The following COIL variants were observed in gnomAD, a reference collection of about 807,000 sequenced individuals.
COIL encodes the protein coilin.
A neutral mutation model predicts 51.6 loss-of-function variants in COIL; 28 were observed. The observed-to-expected ratio is 0.54, with a 90% CI of 0.40 to 0.74. The LOEUF (loss-of-function observed/expected upper bound fraction) is 0.74, where lower values mean the gene tolerates loss of function less well. Among genes scored for constraint, COIL ranks in the 30% least tolerant of loss-of-function variants. The probability of loss-of-function intolerance (pLI) is 0.00; values close to 1 mark genes in which losing one functional copy is unlikely to be tolerated. For missense variants in COIL, 667 were observed against 685.9 expected, an observed-to-expected ratio of 0.97 and a Z score of 0.31; for synonymous variants, 233 against 255.8, an observed-to-expected ratio of 0.91 and a Z score of 0.85.
intron 5 of COIL, among the ~76,000 whole-genome samples, chr17:56,943,357 A>G (rs1225123462): frequency 6.6e-6 from 1 of 152,186 alleles, no homozygotes. Context: ...ATTTATGTCA[A>G]TAAGTTCACC....
intron 5 of COIL, among the ~76,000 whole-genome samples, chr17:56,945,267 G>A (rs149088008): frequency 2.9e-4 from 44 of 152,188 alleles, no homozygotes; most frequent in African/African-American, 1.0e-3. Context: ...GAACCTGGGA[G>A]GCGGAGGCTG....
At position 56,949,705 on chromosome 17, in the gene COIL, T is replaced by G. The variant is rs1910318527; in HGVS notation, c.1416A>C (p.Gln472His). Residue 472 changes from glutamine to histidine, a missense_variant, in exon 3 of 7, where the codon CAA becomes CAC. By Grantham distance (24) the Gln-to-His change is conservative. Transcript: ENST00000240316. Reference sequence around the variant, plus strand: ...CCTTAAATGCAATCTTTTCTCCAACTTGAGGGGCAGCTGCTAACAGTGGTA... The same window carrying G: ...CCTTAAATGCAATCTTTTCTCCAACGTGAGGGGCAGCTGCTAACAGTGGTA... ...SLLPLLAAAPQVGEKIAFKLL... is the reference protein window; with the variant it reads ...SLLPLLAAAPHVGEKIAFKLL... The G allele has an allele frequency of 6.2e-7, 1 of 1,614,054 alleles. No homozygotes were observed. The highest frequency in any genetic ancestry group is 1.7e-5 in the Admixed American group (1 of 60,008).
chr17:56,960,553 T>G (rs2144409280), intron 1 of COIL: 1 of 280,976 alleles, frequency 3.6e-6, no homozygotes, highest in Admixed American at 5.2e-5. Flanking sequence ...TAAAAAATAA[T>G]AATAAAATGC....
chr17:56,958,766 T>G (rs990205361), intron 1 of COIL, among the ~76,000 whole-genome samples: 42 of 152,098 alleles, frequency 2.8e-4, no homozygotes, highest in African/African-American at 9.7e-4. Context: ...GCAGAGAGAA[T>G]AGAGACCTAT....
chr17:56,950,781 G>C lies in COIL; in HGVS notation c.461C>G (p.Thr154Arg), dbSNP rs566197019. 3 of 1,613,812 alleles carry C rather than the reference G, an allele frequency of 1.9e-6. No homozygotes were observed. Among genetic ancestry groups the C allele is most frequent in the Non-Finnish European group, 2.5e-6 (3 of 1,180,006 alleles). ...KVLDLEPKAV[T>R]DQTVSKKNKR... is the part of the protein sequence containing the mutation. Reference sequence around the variant, plus strand: ...GTTTTTTTTGCTGACAGTCTGATCTGTGACAGCTTTTGGTTCCAGATCCAA... The same window carrying C: ...GTTTTTTTTGCTGACAGTCTGATCTCTGACAGCTTTTGGTTCCAGATCCAA... Residue 154 changes from threonine to arginine, a missense_variant, in exon 2 of 7, where the codon ACA becomes AGA. Transcript: ENST00000240316.
In COIL at chr17:56,949,981, G is replaced by A; in HGVS notation, c.1261C>T (p.His421Tyr). The change falls in exon 2 of 7, where the codon CAT becomes TAT. Residue 421 changes from histidine (H) to tyrosine (Y), a missense_variant. By Grantham distance (83) the His-to-Tyr change is moderately conservative. Transcript: ENST00000240316. ...CTATTTACAACACAGGAAACAGGAT[G>A]CCCTCGTCCTCGACCTCTCCCCCGC... is the stretch of plus-strand genomic sequence containing the variant. ...GMRGRGRGRGHPVSCVVNRST... is the reference protein window; with the variant it reads ...GMRGRGRGRGYPVSCVVNRST... 6.2e-7 allele frequency: 1 copy of A among 1,614,134 alleles called. No homozygotes were observed. The highest frequency in any genetic ancestry group is 8.5e-7 in the Non-Finnish European group (1 of 1,180,016).
At chr17:56,959,483 C>T (rs1213682675) in intron 1 of COIL, among the ~76,000 whole-genome samples, 1 of 152,206 alleles carries the variant, frequency 6.6e-6, no homozygotes, top group African/African-American at 2.4e-5. Context: ...GGATACTCAT[C>T]TCATTATCAT....
At position 56,961,007 on chromosome 17, in the gene COIL, C is replaced by T. The variant is rs780975452; in HGVS notation, c.13G>A (p.Glu5Lys). MAAS[E>K]TVRLRLQFDY... ...AATTGAAGCCGTAGCCTAACCGTCT[C>T]GGAAGCTGCCATCTTGCTTGGTGCT... is the stretch of plus-strand genomic sequence containing the variant. The change falls in exon 1 of 7, where the codon GAG becomes AAG. Residue 5 changes from glutamate (E) to lysine (K), a missense_variant. Physicochemically the swap from Glu to Lys is moderately conservative, Grantham distance 56. Transcript: ENST00000240316. 3.2e-5 allele frequency: 52 copies of T among 1,613,684 alleles called. No homozygotes were observed. The highest frequency in any genetic ancestry group is 4.2e-5 in the Non-Finnish European group (50 of 1,179,928).
At chr17:56,945,687 C>G (rs1910234418) in intron 5 of COIL, among the ~76,000 whole-genome samples, 1 of 152,052 alleles carries the variant, frequency 6.6e-6, no homozygotes, top group Non-Finnish European at 1.5e-5. Flanking sequence ...ATTGTATTGT[C>G]TGCAATTTCC....
chr17:56,940,878 T>G (rs1910132497), intron 6 of COIL, among the ~76,000 whole-genome samples: 1 of 152,056 alleles, frequency 6.6e-6, no homozygotes, highest in Non-Finnish European at 1.5e-5. Context: ...CTCACACGTG[T>G]AATCCTAGCA....
chr17:56,941,136 CAAAAAAAAAAA>C (rs1204923329), intron 6 of COIL: 6 of 50,298 alleles, frequency 1.2e-4, no homozygotes, highest in African/African-American at 3.6e-4. Context: ...GACTCTGTCT[CAAAAAAAAAAA>C]AAAAAAAAAA....
intron 1 of COIL, 63 bp from the exon 2 acceptor site, chr17:56,951,059 G>C: frequency 7.1e-7 from 1 of 1,407,226 alleles, no homozygotes; most frequent in Non-Finnish European, 9.5e-7. Flanking sequence ...CCAGGACATA[G>C]TTATATACTG....
chr17:56,955,348 G>A (rs139271208), intron 1 of COIL, among the ~76,000 whole-genome samples: 21 of 152,298 alleles, frequency 1.4e-4, no homozygotes, highest in Non-Finnish European at 2.8e-4. Flanking sequence ...ACAGGCGTGA[G>A]CCACCATGCC....
At position 56,950,344 on chromosome 17, in the gene COIL, A is replaced by G. The variant is rs374306737; in HGVS notation, c.898T>C (p.Phe300Leu). 9.3e-6 allele frequency: 15 copies of G among 1,614,214 alleles called. No individual in the cohort carries two copies. The highest frequency in any genetic ancestry group is 1.7e-5 in the Admixed American group (1 of 60,020). The change falls in exon 2 of 7, where the codon TTT (phenylalanine) becomes CTT (leucine). Residue 300 changes from phenylalanine (F) to leucine (L), a missense_variant. Physicochemically the swap from Phe to Leu is conservative, Grantham distance 22 (BLOSUM62 0). Transcript: ENST00000240316. ...TADKLAIKLG[F>L]SLTPSKGKTS... ...TTGCCCTTGCTGGGGGTAAGGCTAA[A>G]GCCAAGTTTTATAGCCAGTTTGTCT... is the stretch of plus-strand genomic sequence containing the variant.
rs758641084 is a variant in COIL at position 56,950,756 on chromosome 17, G to T, written c.486C>A (p.Asn162Lys). 3.7e-6 allele frequency: 6 copies of T among 1,609,668 alleles called. No homozygotes were observed. In the Admixed American group the frequency reaches 1.0e-4, roughly 27 times the overall value. ...CACAGGTTGCTTTATTTTTTCTCTTGTTTTTTTTGCTGACAGTCTGATCTG... is the reference window on the plus strand; with the variant it reads ...CACAGGTTGCTTTATTTTTTCTCTTTTTTTTTTTGCTGACAGTCTGATCTG... ...AVTDQTVSKK[N>K]KRKNKATCGT... The change falls in exon 2 of 7, where the codon AAC becomes AAA. Residue 162 changes from asparagine to lysine, a missense_variant. Transcript: ENST00000240316.
Position 56,942,066 on chromosome 17 carries a change from A to G in COIL, c.1616T>C (p.Val539Ala). 6.2e-7 allele frequency: 1 copy of G among 1,614,104 alleles called. No individual in the cohort carries two copies. Among genetic ancestry groups the G allele is most frequent in the South Asian group, 1.1e-5 (1 of 91,082 alleles). Residue 539 changes from valine (V) to alanine (A), a missense_variant, in exon 6 of 7, where the codon GTA becomes GCA. Val to Ala is a moderately conservative substitution (Grantham distance 64). Coordinates refer to ENST00000240316, the MANE Select transcript of COIL (RefSeq NM_004645.3). ...LVYHNENGAE[V>A]VEYAVTQESK... The stretch of plus-strand genomic sequence containing the variant: ...CTCCTGTGTCACAGCGTACTCCACT[A>G]CCTCGGCTCCATTTTCATTGTGATA...
chr17:56,949,290 T>TA (rs1910309203), intron 4 of COIL, 97 bp downstream of exon 4: 4 of 960,254 alleles, frequency 4.2e-6, no homozygotes, highest in Admixed American at 3.0e-5. Context: ...TTTTATTTAG[T>TA]AAAAAAACAA....
In COIL at chr17:56,946,452, T is replaced by A; in HGVS notation, c.1548A>T (p.Ser516=). ...TTCTAAAAGACTCACCAGGTAAGGA[T>A]GAAAGAATTTCTATATCTACTTGCT... The part of the protein sequence containing the change: ...ETQQVDIEIL[S]SLPALREPGK... Residue 516 remains serine (S), a synonymous_variant, in exon 5 of 7, where the codon TCA becomes TCT. Transcript: ENST00000240316. 1 of 1,606,358 alleles carries A rather than the reference T, an allele frequency of 6.2e-7. No homozygotes were observed. Among genetic ancestry groups the A allele is most frequent in the South Asian group, 1.1e-5 (1 of 90,636 alleles).
chr17:56,959,914 C>T (rs8072074), intron 1 of COIL, among the ~76,000 whole-genome samples: 1,997 of 152,322 alleles, frequency 0.013, 40 homozygotes, highest in African/African-American at 0.045. Context: ...GGGAAGGATG[C>T]TCGTTACACT....
Sources: gnomAD v4.1 joint callset for allele counts (sites outside exome capture counted in the v4.1 genomes callset) on GRCh38, gnomAD v4.1.1 for gene constraint, MANE v1.5 for transcripts, NCBI Gene and HGNC (gene_info 2026-07-23, HGNC 2026-07-21) for gene names.